The following UNC79 variants were observed in gnomAD, a reference collection of about 807,000 sequenced individuals.
UNC79 encodes protein unc-79 homolog.
UNC79 carries 37 observed loss-of-function variants against 283.1 expected under a neutral mutation model. That is an observed-to-expected ratio of 0.13 (90% CI 0.10 to 0.17). The LOEUF (loss-of-function observed/expected upper bound fraction) is 0.17. Among genes scored for constraint, UNC79 ranks in the 10% least tolerant of loss-of-function variants. The probability of loss-of-function intolerance (pLI) is 1.00; values close to 1 mark genes in which losing one functional copy is unlikely to be tolerated. For missense variants in UNC79, 2,272 were observed against 3,211.1 expected (o/e 0.71, Z 7.07); for synonymous variants, 1,107 against 1,200.2 (o/e 0.92, Z 1.61).
intron 1 of UNC79, among the ~76,000 whole-genome samples, chr14:93,466,279 A>G (rs1379457561): frequency 6.6e-6 from 1 of 152,254 alleles, no homozygotes; most frequent in African/African-American, 2.4e-5. Context: ...TAGTGTATGT[A>G]GGATTTAGAA....
chr14:93,444,760 CT>C (rs1472539549), intron 1 of UNC79, among the ~76,000 whole-genome samples: 4 of 152,068 alleles, frequency 2.6e-5, no homozygotes, highest in Non-Finnish European at 5.9e-5. Flanking sequence ...TTCATCTATT[CT>C]TATGTCAATG....
At chr14:93,515,845 A>G (rs1218968722) in intron 7 of UNC79, among the ~76,000 whole-genome samples, 1 of 152,110 alleles carries the variant, frequency 6.6e-6, no homozygotes, top group East Asian at 1.9e-4. Flanking sequence ...AGTATTTCAA[A>G]GAGAAGGAGA....
chr14:93,414,483 T>C (rs2055408258), intron 1 of UNC79, among the ~76,000 whole-genome samples: 1 of 152,222 alleles, frequency 6.6e-6, no homozygotes, highest in African/African-American at 2.4e-5. Flanking sequence ...TTTGTTCTTT[T>C]GGCTTAGGAT....
intron 14 of UNC79, 30 bp downstream of exon 14, chr14:93,542,726 T>C: frequency 6.2e-7 from 1 of 1,610,714 alleles, no homozygotes; most frequent in Non-Finnish European, 8.5e-7. Flanking sequence ...TCACACCTTG[T>C]TAGAGAGGAG....
At chr14:93,378,414 A>C (rs1160625311) in intron 1 of UNC79, among the ~76,000 whole-genome samples, 1 of 152,216 alleles carries the variant, frequency 6.6e-6, no homozygotes, top group Non-Finnish European at 1.5e-5. Context: ...TGAATGATAC[A>C]GCCTTGTTAG....
intron 14 of UNC79, among the ~76,000 whole-genome samples, chr14:93,564,479 C>G (rs2062755242): frequency 6.6e-6 from 1 of 152,042 alleles, no homozygotes; most frequent in African/African-American, 2.4e-5. Flanking sequence ...ATGGGGATAC[C>G]CGATATCCTT....
intron 10 of UNC79, 131 bp from the exon 11 acceptor site, chr14:93,532,419 A>G: frequency 9.5e-7 from 1 of 1,053,178 alleles, no homozygotes; most frequent in Non-Finnish European, 1.3e-6. Flanking sequence ...GTGGTGGGCT[A>G]TGATGGTGCC....
intron 5 of UNC79, among the ~76,000 whole-genome samples, chr14:93,493,898 TA>T (rs60168857): frequency 0.013 from 391 of 29,752 alleles, 2 homozygotes; most frequent in African/African-American, 0.026. Flanking sequence ...TATATATATA[TA>T]TATTTTTTTT....
intron 1 of UNC79, among the ~76,000 whole-genome samples, chr14:93,392,612 G>GT (rs952025438): frequency 2.0e-5 from 3 of 151,904 alleles, no homozygotes; most frequent in Non-Finnish European, 2.9e-5. Context: ...CTAAAGAAGT[G>GT]TTTTTTTTCT....
intron 7 of UNC79, among the ~76,000 whole-genome samples, chr14:93,502,393 A>AC (rs1328782901): frequency 2.6e-5 from 4 of 151,970 alleles, no homozygotes; most frequent in Non-Finnish European, 5.9e-5. Flanking sequence ...AGCCTGGGTG[A>AC]CTGAGCAAGA....
intron 7 of UNC79, among the ~76,000 whole-genome samples, chr14:93,508,222 C>T (rs565259301): frequency 2.3e-4 from 35 of 149,826 alleles, no homozygotes; most frequent in Non-Finnish European, 4.3e-4. Context: ...AAAAAACCCA[C>T]TAAACCCGAA....
intron 1 of UNC79, among the ~76,000 whole-genome samples, chr14:93,396,465 C>T (rs1476226517): frequency 2.0e-5 from 3 of 151,880 alleles, no homozygotes; most frequent in African/African-American, 7.3e-5. Context: ...TACGTATGGC[C>T]CATACTTTCT....
intron 1 of UNC79, among the ~76,000 whole-genome samples, chr14:93,358,366 C>T (rs183808107): frequency 6.6e-6 from 1 of 152,268 alleles, no homozygotes; most frequent in Non-Finnish European, 1.5e-5. Context: ...ATGATGAACT[C>T]AGGGATTCTA....
At chr14:93,522,541 T>C (rs888378168) in intron 7 of UNC79, among the ~76,000 whole-genome samples, 8 of 152,146 alleles carry the variant, frequency 5.3e-5, no homozygotes, top group Non-Finnish European at 8.8e-5. Context: ...TTTTCCTCTA[T>C]GTTACTCTAA....
chr14:93,574,417 A>G (rs541713736), intron 16 of UNC79, among the ~76,000 whole-genome samples: 43 of 152,324 alleles, frequency 2.8e-4, no homozygotes, highest in African/African-American at 1.0e-3. Flanking sequence ...TGAAATAGGC[A>G]CTGGAATAAA....
chr14:93,481,624 T>G (rs1036000726), intron 4 of UNC79, among the ~76,000 whole-genome samples: 1 of 152,106 alleles, frequency 6.6e-6, no homozygotes, highest in Non-Finnish European at 1.5e-5. Flanking sequence ...AAAATAAAGG[T>G]TCATTTAAAT....
At chr14:93,633,694 G>A (rs565625450) in intron 31 of UNC79, among the ~76,000 whole-genome samples, 19 of 152,314 alleles carry the variant, frequency 1.2e-4, no homozygotes, top group African/African-American at 4.6e-4. Context: ...GACCAGAGGA[G>A]ACTGCTTTCC....
chr14:93,523,000 CTAAG>C (rs2060392908), intron 7 of UNC79, among the ~76,000 whole-genome samples: 1 of 152,120 alleles, frequency 6.6e-6, no homozygotes, highest in African/African-American at 2.4e-5. Context: ...GAATATGTAA[CTAAG>C]TAAGAATATC....
chr14:93,580,108 T>TG (rs772120290), intron 18 of UNC79, 41 bp from the exon 19 acceptor site: 18 of 1,500,742 alleles, frequency 1.2e-5, no homozygotes, highest in African/African-American at 7.0e-5. Context: ...TCTTTTTTTT[T>TG]TGTGTGTGTG....
Sources: gnomAD v4.1 joint callset for allele counts (sites outside exome capture counted in the v4.1 genomes callset) on GRCh38, gnomAD v4.1.1 for gene constraint, MANE v1.5 for transcripts, NCBI Gene and HGNC (gene_info 2026-07-23, HGNC 2026-07-21) for gene names.